The following SLC35F4 variants were observed in gnomAD, a reference collection of about 807,000 sequenced individuals.
SLC35F4 encodes the protein solute carrier family 35 member F4, also known as chromosome 14 open reading frame 36.
A neutral mutation model predicts 44.2 loss-of-function variants in SLC35F4; 24 were observed. That is an observed-to-expected ratio of 0.54 (90% CI 0.39 to 0.76). The LOEUF (loss-of-function observed/expected upper bound fraction) is 0.76. Among genes scored for constraint, SLC35F4 ranks in the 30% least tolerant of loss-of-function variants. The pLI is 0.00. For missense variants in SLC35F4, 562 were observed against 586.1 expected (o/e 0.96, Z 0.42); for synonymous variants, 238 against 223.6 (o/e 1.06, Z -0.57).
chr14:57,726,218 C>T (rs1293147001), intron 1 of SLC35F4, among the ~76,000 whole-genome samples: 1 of 152,054 alleles, frequency 6.6e-6, no homozygotes, highest in East Asian at 1.9e-4. Context: ...GGATTAAGGT[C>T]AATGGGAAAC....
intron 1 of SLC35F4, among the ~76,000 whole-genome samples, chr14:57,717,864 A>G (rs929084318): frequency 3.3e-5 from 5 of 152,166 alleles, no homozygotes; most frequent in Non-Finnish European, 5.9e-5. Context: ...AAACAATCCA[A>G]TTATACTGTT....
chr14:57,884,490 T>A (rs1888606235), intron 1 of SLC35F4, among the ~76,000 whole-genome samples: 1 of 152,212 alleles, frequency 6.6e-6, no homozygotes, highest in South Asian at 2.1e-4. Flanking sequence ...CAGGAGACAC[T>A]GATACAAATC....
At chr14:57,699,474 TTTC>T (rs2075476825) in intron 1 of SLC35F4, among the ~76,000 whole-genome samples, 1 of 152,180 alleles carries the variant, frequency 6.6e-6, no homozygotes, top group Admixed American at 6.5e-5. Context: ...CGTGCAAGAA[TTTC>T]TTGTCACCAG....
At chr14:57,910,261 C>A (rs1158236999) in intron 1 of SLC35F4, among the ~76,000 whole-genome samples, 1 of 151,956 alleles carries the variant, frequency 6.6e-6, no homozygotes, top group African/African-American at 2.4e-5. Flanking sequence ...TCTTCTCATT[C>A]TTTTAACATT....
chr14:57,601,066 A>T (rs1482049391), intron 1 of SLC35F4, among the ~76,000 whole-genome samples: 1 of 152,114 alleles, frequency 6.6e-6, no homozygotes, highest in Non-Finnish European at 1.5e-5. Flanking sequence ...CTCACTCCTT[A>T]TAGTTCTAAC....
intron 1 of SLC35F4, among the ~76,000 whole-genome samples, chr14:57,961,894 T>C (rs1009268236): frequency 1.3e-5 from 2 of 152,152 alleles, no homozygotes; most frequent in African/African-American, 4.8e-5. Flanking sequence ...TAGCTCTTAT[T>C]GTACTTACTT....
intron 1 of SLC35F4, among the ~76,000 whole-genome samples, chr14:57,736,204 GT>G (rs2076460004): frequency 6.6e-6 from 1 of 152,164 alleles, no homozygotes; most frequent in Admixed American, 6.5e-5. Flanking sequence ...GCCTCTGGCT[GT>G]GGTCCTCTAA....
At chr14:57,640,226 A>G (rs78891970) in intron 1 of SLC35F4, among the ~76,000 whole-genome samples, 4,198 of 152,054 alleles carry the variant, frequency 0.028, 83 homozygotes, top group South Asian at 0.075. Context: ...TCTTGACTTT[A>G]TGGTATTTCC....
intron 4 of SLC35F4, among the ~76,000 whole-genome samples, chr14:57,576,300 A>C (rs1644485751): frequency 6.6e-6 from 1 of 152,300 alleles, no homozygotes; most frequent in Non-Finnish European, 1.5e-5. Context: ...TCTTGAAGCT[A>C]GGTGAGTATG....
intron 1 of SLC35F4, among the ~76,000 whole-genome samples, chr14:57,602,836 T>C (rs527960455): frequency 8.2e-4 from 125 of 152,308 alleles, no homozygotes; most frequent in African/African-American, 2.9e-3. Flanking sequence ...CACTTGCTTG[T>C]TTCTATCCCT....
At chr14:57,724,337 G>A (rs1418640388) in intron 1 of SLC35F4, among the ~76,000 whole-genome samples, 1 of 152,132 alleles carries the variant, frequency 6.6e-6, no homozygotes, top group Non-Finnish European at 1.5e-5. Flanking sequence ...TAGGATTTTG[G>A]AGCAAGGCCC....
At chr14:57,613,476 T>C (rs2140059067) in intron 1 of SLC35F4, among the ~76,000 whole-genome samples, 1 of 152,264 alleles carries the variant, frequency 6.6e-6, no homozygotes, top group East Asian at 1.9e-4. Flanking sequence ...AAAACGTCAG[T>C]CACCCTATCC....
chr14:57,589,420 C>T lies in SLC35F4; in HGVS notation c.383G>A (p.Gly128Asp). ...CLSCTSMVLK[G>D]IWGLLIILSV... ...CAAGATGATCAAGAGTCCCCAGATG[C>T]CCTTCAGAACCATGGACGTGCAGGA... Residue 128 changes from glycine (G) to aspartate (D), a missense_variant, in exon 3 of 8, where the codon GGC (glycine) becomes GAC (aspartate). Coordinates refer to ENST00000556826, the MANE Select transcript of SLC35F4 (RefSeq NM_001306087.2). 1 of 1,613,970 alleles carries T rather than the reference C, an allele frequency of 6.2e-7. No homozygotes were observed. Among genetic ancestry groups the T allele is most frequent in the Non-Finnish European group, 8.5e-7 (1 of 1,179,870 alleles).
At chr14:57,737,297 T>G (rs148761884) in intron 1 of SLC35F4, among the ~76,000 whole-genome samples, 86 of 152,142 alleles carry the variant, frequency 5.7e-4, no homozygotes, top group African/African-American at 2.1e-3. Context: ...GGCTGACATA[T>G]CACCCCTATA....
intron 1 of SLC35F4, among the ~76,000 whole-genome samples, chr14:57,875,864 A>G (rs1888389259): frequency 6.6e-6 from 1 of 152,200 alleles, no homozygotes; most frequent in Admixed American, 6.5e-5. Flanking sequence ...AATGTAAATC[A>G]ATGCCAATGT....
At chr14:57,933,275 G>T (rs978291833) in intron 1 of SLC35F4, among the ~76,000 whole-genome samples, 4 of 151,768 alleles carry the variant, frequency 2.6e-5, no homozygotes, top group African/African-American at 9.7e-5. Flanking sequence ...TGCCCACCTC[G>T]GCCTTCCAAA....
At chr14:57,754,397 G>A (rs957043932) in intron 1 of SLC35F4, among the ~76,000 whole-genome samples, 8 of 151,984 alleles carry the variant, frequency 5.3e-5, no homozygotes, top group African/African-American at 1.2e-4. Context: ...GAGCCACCAC[G>A]CCTGGAAAAC....
chr14:57,675,344 G>T (rs11846162), intron 1 of SLC35F4, among the ~76,000 whole-genome samples: 1 of 151,828 alleles, frequency 6.6e-6, no homozygotes, highest in East Asian at 1.9e-4. Flanking sequence ...CCTACTATCC[G>T]CAATTTACTT....
intron 1 of SLC35F4, among the ~76,000 whole-genome samples, chr14:57,786,492 C>G (rs763477820): frequency 2.0e-5 from 3 of 152,146 alleles, no homozygotes; most frequent in Non-Finnish European, 2.9e-5. Flanking sequence ...ACCACCAAAG[C>G]TAAGAACCCT....
Sources: allele counts gnomAD v4.1 joint callset (sites outside exome capture counted in the v4.1 genomes callset), GRCh38; gene constraint gnomAD v4.1.1; transcripts MANE v1.5; gene names NCBI Gene and HGNC (gene_info 2026-07-23, HGNC 2026-07-21).